Variants in ITGA9 observed in about 807,000 individuals in gnomAD.
The protein encoded by ITGA9 is integrin alpha-9.
ITGA9 carries 56 observed loss-of-function variants against 127.8 expected under a neutral mutation model. The ratio of observed to expected loss-of-function variants is 0.44; its 90% CI spans 0.35 to 0.55. The LOEUF (loss-of-function observed/expected upper bound fraction) is 0.55. Among genes scored for constraint, ITGA9 ranks in the 20% least tolerant of loss-of-function variants. ITGA9 has a pLI of 0.00. For missense variants in ITGA9, 1,196 were observed against 1,347.1 expected (o/e 0.89, Z 1.76); for synonymous variants, 508 against 514.5 (o/e 0.99, Z 0.17).
intron 22 of ITGA9, among the ~76,000 whole-genome samples, chr3:37,746,508 G>A (rs1696502758): frequency 6.6e-6 from 1 of 152,148 alleles, no homozygotes; most frequent in Non-Finnish European, 1.5e-5. Context: ...CCAGTATAAA[G>A]ACATTTGTTA....
Position 37,750,349 on chromosome 3 carries a change from C to T in ITGA9, c.2434-113C>T, listed in dbSNP as rs1696567395. The T allele has an allele frequency of 1.1e-5, 8 of 750,612 alleles. No homozygotes were observed. In the South Asian group the frequency reaches 1.2e-4, roughly 11 times the overall value. The allele number at this position is 750,612 out of a possible 1,614,324, so 46.5% of individuals were successfully genotyped here. On this transcript the variant is annotated intron_variant, in intron 22 of 27. Transcript: ENST00000264741. The stretch of plus-strand genomic sequence containing the variant: ...CAAGTTGTGACCTTCCAGATCCGAA[C>T]CTTAGAGTTTCTGTATGTGATTTCA...
intron 17 of ITGA9, among the ~76,000 whole-genome samples, chr3:37,663,735 G>C (rs1700559654): frequency 6.6e-6 from 1 of 152,156 alleles, no homozygotes; most frequent in Non-Finnish European, 1.5e-5. Context: ...CACTGACCAA[G>C]CACTAGATAC....
chr3:37,547,501 G>A (rs1311911095), intron 15 of ITGA9, among the ~76,000 whole-genome samples: 1 of 152,062 alleles, frequency 6.6e-6, no homozygotes, highest in Non-Finnish European at 1.5e-5. Flanking sequence ...CACATTACAT[G>A]CTGTGGGTTT....
intron 15 of ITGA9, among the ~76,000 whole-genome samples, chr3:37,592,467 T>A (rs1308550459): frequency 6.6e-6 from 1 of 152,068 alleles, no homozygotes; most frequent in Non-Finnish European, 1.5e-5. Context: ...CCTTAAACAC[T>A]CCAGCCTAGA....
chr3:37,652,734 G>A (rs545189428), intron 16 of ITGA9, among the ~76,000 whole-genome samples: 2 of 152,270 alleles, frequency 1.3e-5, no homozygotes, highest in African/African-American at 4.8e-5. Context: ...GTTTAATAAT[G>A]AGTAAATTAC....
chr3:37,796,729 A>G (rs1024625038), intron 26 of ITGA9, among the ~76,000 whole-genome samples: 1 of 152,230 alleles, frequency 6.6e-6, no homozygotes, highest in African/African-American at 2.4e-5. Flanking sequence ...AGTCGTGTTC[A>G]TACTTCATCT....
chr3:37,779,619 A>C (rs537199796), intron 24 of ITGA9, among the ~76,000 whole-genome samples: 32 of 152,236 alleles, frequency 2.1e-4, no homozygotes, highest in African/African-American at 7.0e-4. Context: ...AAAAAAAAAA[A>C]CAATTATTTC....
rs557006568 is a variant in ITGA9 at position 37,540,908 on chromosome 3, A to G, written c.1529-1517A>G. On this transcript the variant is annotated intron_variant, in intron 14 of 27. Transcript: ENST00000264741. ...TGACACAGCCTTGCCTTGTAAGTCA[A>G]CTGTTTGCTGGCGTTAAACAAGTTG... 2.6e-5 allele frequency among the ~76,000 whole-genome samples: 4 copies of G among 152,292 alleles called. No individual in the cohort carries two copies. In the East Asian group the frequency reaches 5.8e-4, roughly 22 times the overall value.
At chr3:37,613,471 A>G (rs959024458) in intron 15 of ITGA9, among the ~76,000 whole-genome samples, 5 of 152,190 alleles carry the variant, frequency 3.3e-5, no homozygotes, top group African/African-American at 1.2e-4. Context: ...TCCTTTGGGT[A>G]TATACCCAGT....
chr3:37,571,911 CA>C lies in ITGA9; in HGVS notation c.1689+29330del, dbSNP rs1443662103. Reference sequence around the variant, plus strand: ...TGCTTGCCCTCAGTCTCAGAAATTCCAAAAGACAGCTTATGACCCTGCATTT... The same window carrying C: ...TGCTTGCCCTCAGTCTCAGAAATTCCAAAGACAGCTTATGACCCTGCATTT... On this transcript the variant is annotated intron_variant, in intron 15 of 27. Coordinates refer to ENST00000264741, the MANE Select transcript of ITGA9 (RefSeq NM_002207.3). 1.3e-5 allele frequency among the ~76,000 whole-genome samples: 2 copies of C among 151,744 alleles called. 1 individual carries two copies. Among genetic ancestry groups the C allele is most frequent in the East Asian group, 3.9e-4 (2 of 5,160 alleles).
intron 26 of ITGA9, among the ~76,000 whole-genome samples, chr3:37,802,511 G>A (rs1341964305): frequency 6.6e-6 from 1 of 152,192 alleles, no homozygotes; most frequent in East Asian, 1.9e-4. Flanking sequence ...AGCCTGTCTG[G>A]AGCCAAAGGA....
intron 26 of ITGA9, among the ~76,000 whole-genome samples, chr3:37,802,544 G>T (rs1294270181): frequency 6.6e-6 from 1 of 152,200 alleles, no homozygotes; most frequent in African/African-American, 2.4e-5. Flanking sequence ...CCAGAGCTGT[G>T]ATTTTTTTGT....
At chr3:37,750,270 A>G (rs1696566224) in intron 22 of ITGA9, among the ~76,000 whole-genome samples, 192 bp from the exon 23 acceptor site, 1 of 152,262 alleles carries the variant, frequency 6.6e-6, no homozygotes, top group Admixed American at 6.5e-5. Context: ...GATGCATGTT[A>G]GAAGTGTTTC....
At chr3:37,775,547 G>A (rs1696896438) in intron 23 of ITGA9, among the ~76,000 whole-genome samples, 2 of 151,790 alleles carry the variant, frequency 1.3e-5, no homozygotes, top group Non-Finnish European at 2.9e-5. Context: ...TCGGGAGGCT[G>A]AGGCAGGAGA....
chr3:37,502,206 C>T (rs961793865), intron 5 of ITGA9, among the ~76,000 whole-genome samples: 39 of 138,982 alleles, frequency 2.8e-4, no homozygotes, highest in South Asian at 1.1e-3. Flanking sequence ...CTCTTATGTT[C>T]TTGAGTCTTT....
At chr3:37,673,084 G>A (rs1700652506) in intron 17 of ITGA9, among the ~76,000 whole-genome samples, 1 of 152,018 alleles carries the variant, frequency 6.6e-6, no homozygotes, top group Non-Finnish European at 1.5e-5. Context: ...TGCAGGAATC[G>A]AAAACAATAG....
chr3:37,674,447 C>T (rs776361972), intron 17 of ITGA9, among the ~76,000 whole-genome samples: 51 of 152,228 alleles, frequency 3.4e-4, no homozygotes, highest in Non-Finnish European at 6.8e-4. Context: ...GCCCTATAGA[C>T]AGAGGCTCAT....
At chr3:37,567,838 A>T (rs979537067) in intron 15 of ITGA9, among the ~76,000 whole-genome samples, 5 of 152,172 alleles carry the variant, frequency 3.3e-5, no homozygotes, top group Non-Finnish European at 7.3e-5. Context: ...GTGGCTTTGC[A>T]GGGTATAGCA....
chr3:37,530,859 C>A (rs574220191), intron 13 of ITGA9, among the ~76,000 whole-genome samples: 74 of 149,994 alleles, frequency 4.9e-4, no homozygotes, highest in Admixed American at 1.6e-3. Flanking sequence ...TCACGTCATT[C>A]TTCTGCCTCA....
Sources: gnomAD v4.1 joint callset for allele counts (sites outside exome capture counted in the v4.1 genomes callset) on GRCh38, gnomAD v4.1.1 for gene constraint, MANE v1.5 for transcripts, NCBI Gene and HGNC (gene_info 2026-07-23, HGNC 2026-07-21) for gene names.